Variants in LTBP1 observed in about 807,000 individuals in gnomAD.
LTBP1 encodes latent transforming growth factor beta binding protein 1.
A neutral mutation model predicts 207.6 loss-of-function variants in LTBP1; 129 were observed. That is an observed-to-expected ratio of 0.62 (90% CI 0.54 to 0.72). The LOEUF (loss-of-function observed/expected upper bound fraction) is 0.72. LTBP1 is among the 30% of genes least tolerant of loss of function. The probability of loss-of-function intolerance (pLI) is 0.00; values close to 1 mark genes in which losing one functional copy is unlikely to be tolerated. For synonymous variants in LTBP1, 963 were observed against 833.7 expected (o/e 1.16, Z -2.67); for missense variants, 2,281 against 2,217.2 (o/e 1.03, Z -0.58).
chr2:33,391,263 G>A (rs1236841659), intron 32 of LTBP1, among the ~76,000 whole-genome samples: 12 of 121,434 alleles, frequency 9.9e-5, no homozygotes, highest in African/African-American at 3.8e-4. Context: ...CCCCTCCCTA[G>A]GGTAACCACT....
At chr2:33,358,255 A>G (rs935585469) in intron 26 of LTBP1, among the ~76,000 whole-genome samples, 2 of 152,066 alleles carry the variant, frequency 1.3e-5, no homozygotes, top group East Asian at 1.9e-4. Flanking sequence ...TTATAGTTAC[A>G]TTATTGATTA....
At position 33,104,195 on chromosome 2, in the gene LTBP1, G is replaced by A. The variant is rs79057218; in HGVS notation, c.864-6387G>A. ...AAATTGCCACTAGGAAGGCAGCAGTGTAAACAGTGTGTGACTAATTCTTTC... is the reference window on the plus strand; with the variant it reads ...AAATTGCCACTAGGAAGGCAGCAGTATAAACAGTGTGTGACTAATTCTTTC... On this transcript the variant is annotated intron_variant, in intron 3 of 33. Transcript: ENST00000404816. Among the ~76,000 whole-genome samples the A allele has an allele frequency of 8.6e-3, 1,305 of 152,326 alleles. 12 individuals carry two copies. The highest frequency in any genetic ancestry group is 0.029 in the African/African-American group (1,191 of 41,590).
chr2:33,349,232 C>G (rs959755679), intron 26 of LTBP1, among the ~76,000 whole-genome samples: 4 of 152,156 alleles, frequency 2.6e-5, no homozygotes, highest in African/African-American at 9.7e-5. Context: ...AGGCAGATCA[C>G]TGAGGCCAGG....
chr2:33,150,507 A>G (rs1055244957), intron 5 of LTBP1, among the ~76,000 whole-genome samples: 3 of 151,996 alleles, frequency 2.0e-5, no homozygotes, highest in Non-Finnish European at 1.5e-5. Context: ...ATCACTATCC[A>G]TATAATAACT....
chr2:32,967,684 T>C (rs1378679695), intron 2 of LTBP1, among the ~76,000 whole-genome samples: 2 of 152,224 alleles, frequency 1.3e-5, no homozygotes, highest in Non-Finnish European at 2.9e-5. Flanking sequence ...GAATGGATAT[T>C]ATATGATTTT....
intron 2 of LTBP1, among the ~76,000 whole-genome samples, chr2:33,020,341 T>A (rs2075103894): frequency 6.6e-6 from 1 of 152,158 alleles, no homozygotes; most frequent in Non-Finnish European, 1.5e-5. Context: ...ACTGAACTTT[T>A]GTTTTTTGCC....
At position 32,956,385 on chromosome 2, in the gene LTBP1, G is replaced by A. The variant is rs558248419; in HGVS notation, c.565+7440G>A. Among the ~76,000 whole-genome samples, 14 of 152,260 alleles carry A rather than the reference G, an allele frequency of 9.2e-5. No individual in the cohort carries two copies. In the South Asian group the frequency reaches 2.1e-3, roughly 23 times the overall value. Reference sequence around the variant, plus strand: ...GTTTATATAAAATTATAAATTCTTTGTTGTCATTTCAACAATGCTCACAGC... The same window carrying A: ...GTTTATATAAAATTATAAATTCTTTATTGTCATTTCAACAATGCTCACAGC... On this transcript the variant is annotated intron_variant, in intron 2 of 33. Coordinates refer to ENST00000404816, the MANE Select transcript of LTBP1 (RefSeq NM_206943.4).
intron 3 of LTBP1, among the ~76,000 whole-genome samples, chr2:33,092,865 A>C (rs928655485): frequency 6.6e-6 from 1 of 152,028 alleles, no homozygotes; most frequent in Non-Finnish European, 1.5e-5. Context: ...CTCCCAACCT[A>C]CCTGGACCTA....
intron 2 of LTBP1, among the ~76,000 whole-genome samples, chr2:32,955,135 A>T (rs1490540382): frequency 1.3e-5 from 2 of 152,218 alleles, no homozygotes; most frequent in Non-Finnish European, 2.9e-5. Flanking sequence ...CAGTTTGAGA[A>T]ACTGATCTGG....
At position 33,274,965 on chromosome 2, in the gene LTBP1, A is replaced by T; in HGVS notation, c.2744A>T (p.Asp915Val). The change falls in exon 17 of 34, where the codon GAT (aspartate) becomes GTT (valine). Residue 915 changes from aspartate (D) to valine (V), a missense_variant and splice_region_variant. Around this residue, in one of 3 missense-constraint regions of LTBP1, gnomAD observed 1,671 missense variants for 1,634.8 expected, o/e 1.02. Coordinates refer to ENST00000404816, the MANE Select transcript of LTBP1 (RefSeq NM_206943.4). ...RFSEQQRKCVDIDECTQVQHL... is the reference protein window; with the variant it reads ...RFSEQQRKCVVIDECTQVQHL... ...TTTTTATATGTATTTTTGTTAACAG[A>T]TATTGATGAGTGTACTCAGGTCCAA... 1 of 1,613,764 alleles carries T rather than the reference A, an allele frequency of 6.2e-7. No homozygotes were observed. The highest frequency in any genetic ancestry group is 8.5e-7 in the Non-Finnish European group (1 of 1,179,780).
intron 2 of LTBP1, among the ~76,000 whole-genome samples, chr2:33,016,932 G>A (rs765586183): frequency 6.6e-6 from 1 of 152,172 alleles, no homozygotes; most frequent in Non-Finnish European, 1.5e-5. Flanking sequence ...CAGGAGAATT[G>A]CTTGAATCTG....
intron 5 of LTBP1, among the ~76,000 whole-genome samples, chr2:33,135,433 T>C (rs541894148): frequency 1.3e-5 from 2 of 152,318 alleles, no homozygotes; most frequent in African/African-American, 2.4e-5. Flanking sequence ...GTCAAAAACC[T>C]GTACTTGGTT....
intron 32 of LTBP1, among the ~76,000 whole-genome samples, chr2:33,393,309 T>C (rs899602703): frequency 1.6e-4 from 24 of 150,318 alleles, no homozygotes; most frequent in African/African-American, 5.9e-4. Context: ...TTTTAAATTA[T>C]ACTTTAAGTT....
intron 26 of LTBP1, among the ~76,000 whole-genome samples, chr2:33,356,728 C>G (rs114768607): frequency 4.9e-4 from 75 of 152,304 alleles, no homozygotes; most frequent in African/African-American, 1.8e-3. Flanking sequence ...ATATGAATTT[C>G]TAAGTTTTCC....
chr2:33,006,788 A>G (rs1371216761), intron 2 of LTBP1, among the ~76,000 whole-genome samples: 1 of 151,822 alleles, frequency 6.6e-6, no homozygotes, highest in Non-Finnish European at 1.5e-5. Context: ...AAAGTCCACA[A>G]TTCTGTTTCA....
intron 3 of LTBP1, among the ~76,000 whole-genome samples, chr2:33,026,148 CT>C (rs1470856913): frequency 1.3e-5 from 2 of 152,092 alleles, no homozygotes; most frequent in African/African-American, 4.8e-5. Context: ...TTACTGGGAC[CT>C]TGTCTGAACT....
rs758564736 is a variant in LTBP1, at chr2:33,347,443, C to T, written c.3933C>T (p.Cys1311=). ...FCENVEGSFL[C]VCADENQEYS... ...AAAACGTGGAAGGGTCCTTCCTGTG[C>T]GTGTGTGCTGATGAAAACCAAGAGT... is the stretch of plus-strand genomic sequence containing the variant. The change falls in exon 26 of 34, where the codon TGC becomes TGT. Residue 1311 remains cysteine, a synonymous_variant. Transcript: ENST00000404816. 6.2e-6 allele frequency: 10 copies of T among 1,613,992 alleles called. No individual in the cohort carries two copies. The Admixed American group carries it at 6.7e-5, about 11-fold the overall frequency.
intron 3 of LTBP1, among the ~76,000 whole-genome samples, chr2:33,056,668 T>C (rs2077016804): frequency 6.6e-6 from 1 of 151,992 alleles, no homozygotes; most frequent in African/African-American, 2.4e-5. Context: ...GTTTCTTCCT[T>C]CTGGGTTTGT....
At chr2:33,128,536 G>A (rs1482925373) in intron 4 of LTBP1, among the ~76,000 whole-genome samples, 3 of 152,212 alleles carry the variant, frequency 2.0e-5, no homozygotes, top group Non-Finnish European at 4.4e-5. Context: ...TGCGAAGACT[G>A]GCATAGAATC....
Sources: gnomAD v4.1 joint callset for allele counts (sites outside exome capture counted in the v4.1 genomes callset) on GRCh38, gnomAD v4.1.1 for gene constraint, gnomAD v4.1.1 regional missense constraint, MANE v1.5 for transcripts, NCBI Gene and HGNC (gene_info 2026-07-23, HGNC 2026-07-21) for gene names.